The following RFX4 variants were observed in gnomAD, a reference collection of about 807,000 sequenced individuals.
RFX4 encodes the protein transcription factor RFX4.
Under a neutral mutation model 95.0 loss-of-function variants are expected in RFX4, and 10 were observed. The observed-to-expected ratio is 0.11, with a 90% CI of 0.06 to 0.18. The LOEUF is 0.18. Ranked by LOEUF, RFX4 falls within the 10% of genes least tolerant of loss-of-function variation. RFX4 has a pLI of 1.00. For synonymous variants in RFX4, 321 were observed against 340.7 expected (o/e 0.94, Z 0.64); for missense variants, 640 against 922.0 (o/e 0.69, Z 3.96).
chr12:106,583,548 A>G (rs889856727), intron 1 of RFX4, 185 bp downstream of exon 1: 14 of 530,058 alleles, frequency 2.6e-5, no homozygotes, highest in African/African-American at 4.0e-5. Context: ...GCGTGGAAGT[A>G]TGTGTATAAG....
In RFX4 at chr12:106,676,627, C is replaced by T. The variant is rs2041396654; in HGVS notation, c.316-5366C>T. Among the ~76,000 whole-genome samples, 3 of 152,154 alleles carry T rather than the reference C, an allele frequency of 2.0e-5. No individual in the cohort carries two copies. In the South Asian group the frequency reaches 6.2e-4, roughly 32 times the overall value. Reference sequence around the variant, plus strand: ...CAGGGAAATTTCATCCAGGAGGAGACACGGGGCTGTCTGCTGATGACACCA... The same window carrying T: ...CAGGGAAATTTCATCCAGGAGGAGATACGGGGCTGTCTGCTGATGACACCA... On this transcript the variant is annotated intron_variant, in intron 4 of 17. Transcript: ENST00000392842.
At chr12:106,754,853 C>A (rs1443521581) in intron 17 of RFX4, among the ~76,000 whole-genome samples, 2 of 152,210 alleles carry the variant, frequency 1.3e-5, no homozygotes, top group Non-Finnish European at 2.9e-5. Flanking sequence ...CCTCAATATA[C>A]ACACACTCCA....
At chr12:106,660,468 T>C (rs1165084171) in intron 4 of RFX4, among the ~76,000 whole-genome samples, 1 of 151,858 alleles carries the variant, frequency 6.6e-6, no homozygotes, top group Non-Finnish European at 1.5e-5. Flanking sequence ...CTTGACCACT[T>C]GTCTTTCAGA....
At chr12:106,630,159 G>A (rs1314842875) in intron 2 of RFX4, among the ~76,000 whole-genome samples, 1 of 151,906 alleles carries the variant, frequency 6.6e-6, no homozygotes, top group East Asian at 1.9e-4. Context: ...CTTTTCTATG[G>A]TGGGCAGATG....
intron 5 of RFX4, chr12:106,682,331 G>A: frequency 4.1e-6 from 2 of 486,836 alleles, no homozygotes; most frequent in East Asian, 6.9e-5. Flanking sequence ...ATAGTCTTGG[G>A]CATCATTGAA....
intron 1 of RFX4, among the ~76,000 whole-genome samples, chr12:106,599,017 G>A (rs544120780): frequency 8.5e-5 from 13 of 152,214 alleles, no homozygotes; most frequent in Admixed American, 2.6e-4. Context: ...TTTCAGAGCC[G>A]AGATCTGCTT....
intron 7 of RFX4, among the ~76,000 whole-genome samples, chr12:106,693,723 A>G (rs188599337): frequency 5.9e-5 from 9 of 152,330 alleles, no homozygotes; most frequent in African/African-American, 2.2e-4. Context: ...TCTCAGTGAC[A>G]GAACAAAAGT....
rs148991513 is a variant in RFX4 at position 106,618,956 on chromosome 12, T to C, written c.130+10073T>C. Among the ~76,000 whole-genome samples, 4 of 152,320 alleles carry C rather than the reference T, an allele frequency of 2.6e-5. No individual in the cohort carries two copies. The East Asian group carries it at 7.7e-4, about 29-fold the overall frequency. ...CAATATGCATTTTTGCATTCTTCAC[T>C]AATTATTATTAATACATCTACCTCA... On this transcript the variant is annotated intron_variant, in intron 2 of 17. Coordinates refer to ENST00000392842, the MANE Select transcript of RFX4 (RefSeq NM_213594.3).
intron 15 of RFX4, among the ~76,000 whole-genome samples, chr12:106,745,939 A>G (rs550304505): frequency 1.3e-5 from 2 of 152,324 alleles, no homozygotes; most frequent in East Asian, 3.9e-4. Context: ...ATTAAAAAAA[A>G]TTCTAGCCCA....
intron 4 of RFX4, among the ~76,000 whole-genome samples, chr12:106,666,260 G>T (rs1244237842): frequency 6.6e-6 from 1 of 151,796 alleles, no homozygotes; most frequent in Admixed American, 6.6e-5. Context: ...TCTTGTCTTT[G>T]TCCTATATAG....
chr12:106,756,000 T>C (rs1718653383), intron 17 of RFX4, among the ~76,000 whole-genome samples: 1 of 152,236 alleles, frequency 6.6e-6, no homozygotes, highest in Admixed American at 6.5e-5. Context: ...GTTTTCAAAA[T>C]AGAATATGTG....
chr12:106,722,450 C>T (rs1464263781), intron 13 of RFX4, among the ~76,000 whole-genome samples: 1 of 152,164 alleles, frequency 6.6e-6, no homozygotes, highest in Non-Finnish European at 1.5e-5. Flanking sequence ...ACTGAGTTAA[C>T]AGTCAATGTA....
intron 15 of RFX4, among the ~76,000 whole-genome samples, chr12:106,743,406 G>A (rs1401725133): frequency 6.6e-6 from 1 of 152,072 alleles, no homozygotes; most frequent in Non-Finnish European, 1.5e-5. Flanking sequence ...TGCTCCCCAG[G>A]CAAAAAGGGT....
intron 4 of RFX4, among the ~76,000 whole-genome samples, chr12:106,658,209 C>T (rs1204641814): frequency 6.6e-6 from 1 of 152,178 alleles, no homozygotes; most frequent in East Asian, 1.9e-4. Flanking sequence ...GTTTAACCTT[C>T]ATGATAATAA....
At chr12:106,642,305 C>T (rs547819910) in intron 3 of RFX4, among the ~76,000 whole-genome samples, 2 of 151,078 alleles carry the variant, frequency 1.3e-5, no homozygotes, top group Non-Finnish European at 1.5e-5. Context: ...CCACCGTGCC[C>T]GTATATATAT....
At chr12:106,628,062 G>A (rs2040340520) in intron 2 of RFX4, among the ~76,000 whole-genome samples, 3 of 152,114 alleles carry the variant, frequency 2.0e-5, no homozygotes, top group Non-Finnish European at 2.9e-5. Context: ...TGGCTGGCAC[G>A]GCCCCAGTGT....
chr12:106,755,168 C>A (rs2136101496), intron 17 of RFX4, among the ~76,000 whole-genome samples: 1 of 152,346 alleles, frequency 6.6e-6, no homozygotes, highest in South Asian at 2.1e-4. Context: ...GCAATCTTGG[C>A]TCACTGCAAC....
chr12:106,637,101 T>G (rs1441437869), intron 2 of RFX4, among the ~76,000 whole-genome samples: 1 of 152,134 alleles, frequency 6.6e-6, no homozygotes, highest in East Asian at 1.9e-4. Flanking sequence ...CCTAATCCAA[T>G]CAGTGGCTAG....
intron 2 of RFX4, among the ~76,000 whole-genome samples, chr12:106,614,563 C>T (rs892549683): frequency 7.4e-5 from 11 of 149,044 alleles, no homozygotes; most frequent in Non-Finnish European, 1.6e-4. Context: ...GGCTGGAGTG[C>T]AGTGGCGCGA....
Sources: gnomAD v4.1 joint callset for allele counts (sites outside exome capture counted in the v4.1 genomes callset) on GRCh38, gnomAD v4.1.1 for gene constraint, MANE v1.5 for transcripts, NCBI Gene and HGNC (gene_info 2026-07-23, HGNC 2026-07-21) for gene names.